The following IKZF2 variants were observed in gnomAD, a reference collection of about 807,000 sequenced individuals.
The protein encoded by IKZF2 is IKAROS family zinc finger 2, also known as zinc finger protein Helios.
Under a neutral mutation model 49.2 loss-of-function variants are expected in IKZF2, and 15 were observed. That is an observed-to-expected ratio of 0.30 (90% confidence interval 0.20 to 0.47). The LOEUF is 0.47. Ranked by LOEUF, IKZF2 falls within the 20% of genes least tolerant of loss-of-function variation. IKZF2 has a pLI of 1.00. For missense variants in IKZF2, 567 were observed against 664.6 expected, an observed-to-expected ratio of 0.85 and a Z score of 1.61; for synonymous variants, 227 against 221.4, an observed-to-expected ratio of 1.03 and a Z score of -0.23.
In IKZF2 at chr2:213,007,820, T is replaced by G; in HGVS notation, c.1121A>C (p.Asp374Ala). The G allele has an allele frequency of 6.2e-7, 1 of 1,613,682 alleles. No individual in the cohort carries two copies. The highest frequency in any genetic ancestry group is 8.5e-7 in the Non-Finnish European group (1 of 1,179,756). ...IERPISRETA[D>A]SHENNMDGPI... Reference sequence around the variant, plus strand: ...GCCATCCATGTTGTTTTCATGACTATCAGCAGTTTCCCTGCTAATGGGTCT... The same window carrying G: ...GCCATCCATGTTGTTTTCATGACTAGCAGCAGTTTCCCTGCTAATGGGTCT... Residue 374 changes from aspartate to alanine, a missense_variant, in exon 9 of 9, where the codon GAT becomes GCT. Physicochemically the swap from Asp to Ala is moderately radical, Grantham distance 126 (BLOSUM62 -2). Transcript: ENST00000434687.
chr2:213,068,872 T>C (rs1455526671), intron 4 of IKZF2, among the ~76,000 whole-genome samples: 1 of 150,846 alleles, frequency 6.6e-6, no homozygotes, highest in African/African-American at 2.4e-5. Flanking sequence ...CCCCATGTGT[T>C]TCCTTCAGTT....
At chr2:213,037,914 G>A (rs1699193135) in intron 6 of IKZF2, among the ~76,000 whole-genome samples, 1 of 151,552 alleles carries the variant, frequency 6.6e-6, no homozygotes, top group South Asian at 2.1e-4. Context: ...AAGCCTGCAA[G>A]ACAAATTATA....
At chr2:213,118,025 A>G (rs1449088466) in intron 4 of IKZF2, among the ~76,000 whole-genome samples, 3 of 152,226 alleles carry the variant, frequency 2.0e-5, no homozygotes, top group Non-Finnish European at 4.4e-5. Context: ...ATCAGGATAC[A>G]GAACAAAAAG....
chr2:213,022,955 C>T (rs1242883328), intron 6 of IKZF2, among the ~76,000 whole-genome samples: 1 of 151,864 alleles, frequency 6.6e-6, no homozygotes, highest in Non-Finnish European at 1.5e-5. Context: ...CCTTAAAAAA[C>T]AAAGAAGAAA....
chr2:213,076,803 T>C (rs1275470575), intron 4 of IKZF2, among the ~76,000 whole-genome samples: 2 of 152,304 alleles, frequency 1.3e-5, no homozygotes, highest in East Asian at 3.9e-4. Context: ...CTCCGGAGGC[T>C]GAGGCAGGAG....
intron 6 of IKZF2, among the ~76,000 whole-genome samples, chr2:213,045,495 C>A (rs1700066817): frequency 6.6e-6 from 1 of 152,192 alleles, no homozygotes; most frequent in South Asian, 2.1e-4. Context: ...TTTGTCATAA[C>A]ATAGTCTGGA....
intron 4 of IKZF2, among the ~76,000 whole-genome samples, chr2:213,112,523 G>A (rs2125780756): frequency 6.6e-6 from 1 of 150,622 alleles, no homozygotes. Flanking sequence ...TTGTGCAGTG[G>A]CACGATCACA....
chr2:213,097,386 A>G (rs1474259067), intron 4 of IKZF2, among the ~76,000 whole-genome samples: 3 of 152,102 alleles, frequency 2.0e-5, no homozygotes, highest in Non-Finnish European at 4.4e-5. Flanking sequence ...AAACAGTTAC[A>G]CTGTATAACC....
intron 6 of IKZF2, among the ~76,000 whole-genome samples, chr2:213,040,664 G>A (rs779056620): frequency 1.3e-5 from 2 of 151,586 alleles, no homozygotes; most frequent in Non-Finnish European, 2.9e-5. Flanking sequence ...CAGAGTATTA[G>A]GTATAATAAA....
At chr2:213,052,677 A>C (rs1238138192) in intron 5 of IKZF2, among the ~76,000 whole-genome samples, 1 of 152,102 alleles carries the variant, frequency 6.6e-6, no homozygotes, top group Non-Finnish European at 1.5e-5. Context: ...GATTTCTAAA[A>C]GTATACATAG....
intron 4 of IKZF2, among the ~76,000 whole-genome samples, chr2:213,075,586 G>A (rs945260218): frequency 3.3e-5 from 5 of 152,010 alleles, no homozygotes; most frequent in African/African-American, 1.2e-4. Context: ...TCTCATTTGA[G>A]AATCTGAATA....
At chr2:213,143,472 T>C (rs2125966428) in intron 4 of IKZF2, among the ~76,000 whole-genome samples, 1 of 152,108 alleles carries the variant, frequency 6.6e-6, no homozygotes, top group South Asian at 2.1e-4. Flanking sequence ...ACTTTCCTTT[T>C]TTTTCCCTTT....
chr2:213,106,479 G>C (rs1292573082), intron 4 of IKZF2, among the ~76,000 whole-genome samples: 1 of 151,708 alleles, frequency 6.6e-6, no homozygotes, highest in Admixed American at 6.6e-5. Flanking sequence ...GATCTAGAGA[G>C]ATATTAGCCA....
intron 4 of IKZF2, among the ~76,000 whole-genome samples, chr2:213,139,089 T>C (rs2060779598): frequency 6.6e-6 from 1 of 151,904 alleles, no homozygotes; most frequent in Non-Finnish European, 1.5e-5. Flanking sequence ...GGCTATAAAA[T>C]CAACATTTTA....
chr2:213,092,573 C>T (rs560811969), intron 4 of IKZF2, among the ~76,000 whole-genome samples: 71 of 152,162 alleles, frequency 4.7e-4, no homozygotes, highest in East Asian at 2.7e-3. Flanking sequence ...ACCATCCCAC[C>T]GCCCTGTTCG....
chr2:213,055,316 TA>T (rs1701037821), intron 5 of IKZF2, among the ~76,000 whole-genome samples: 1 of 152,144 alleles, frequency 6.6e-6, no homozygotes, highest in African/African-American at 2.4e-5. Context: ...TAGATTATTT[TA>T]TAGTCTTTTC....
chr2:213,007,277 T>G lies in IKZF2; in HGVS notation c.*83A>C. 2.8e-6 allele frequency: 4 copies of G among 1,408,774 alleles called. No individual in the cohort carries two copies. Among genetic ancestry groups the G allele is most frequent in the Non-Finnish European group, 3.9e-6 (4 of 1,037,360 alleles). 87.3% of individuals were successfully genotyped at this position (1,408,774 alleles called of 1,614,324 possible). Reference sequence around the variant, plus strand: ...AAAAAATAAAAGGTATGTCAACATTTGAGGAAAGGTGGGATTGTAAGTGCA... The same window carrying G: ...AAAAAATAAAAGGTATGTCAACATTGGAGGAAAGGTGGGATTGTAAGTGCA... On this transcript the variant is annotated 3_prime_UTR_variant, in exon 9 of 9. Transcript: ENST00000434687.
chr2:213,025,424 A>G (rs1166889483), intron 6 of IKZF2, among the ~76,000 whole-genome samples: 78 of 152,288 alleles, frequency 5.1e-4, no homozygotes, highest in Non-Finnish European at 7.4e-5. Flanking sequence ...GCATCAGGAC[A>G]TAGCTGTCTC....
intron 4 of IKZF2, among the ~76,000 whole-genome samples, chr2:213,058,836 T>C (rs1574665012): frequency 5.3e-5 from 8 of 151,858 alleles, no homozygotes; most frequent in Admixed American, 5.3e-4. Context: ...ACAAAAAACA[T>C]AAAGAATAAA....
Sources: allele counts gnomAD v4.1 joint callset (sites outside exome capture counted in the v4.1 genomes callset), GRCh38; gene constraint gnomAD v4.1.1; transcripts MANE v1.5; gene names NCBI Gene and HGNC (gene_info 2026-07-23, HGNC 2026-07-21).